Variants in CDKAL1 observed in about 807,000 individuals in gnomAD.
The protein encoded by CDKAL1 is CDKAL1 threonylcarbamoyladenosine tRNA methylthiotransferase.
A neutral mutation model predicts 68.2 loss-of-function variants in CDKAL1; 32 were observed. The ratio of observed to expected loss-of-function variants is 0.47; its 90% CI spans 0.35 to 0.63. The LOEUF (loss-of-function observed/expected upper bound fraction) is 0.63, where lower values mean the gene tolerates loss of function less well. Among genes scored for constraint, CDKAL1 ranks in the 30% least tolerant of loss-of-function variants. The pLI, the probability that CDKAL1 is intolerant of heterozygous loss-of-function variation, is 0.00. For synonymous variants in CDKAL1, 234 were observed against 244.3 expected, an observed-to-expected ratio of 0.96 and a Z score of 0.39; for missense variants, 606 against 696.7, an observed-to-expected ratio of 0.87 and a Z score of 1.47.
chr6:21,039,719 C>T (rs1769805866), intron 11 of CDKAL1, among the ~76,000 whole-genome samples: 1 of 152,176 alleles, frequency 6.6e-6, no homozygotes, highest in South Asian at 2.1e-4. Context: ...AGAACAGTAT[C>T]ATGCCTGTAA....
At chr6:20,757,456 A>G (rs1346087443) in intron 6 of CDKAL1, among the ~76,000 whole-genome samples, 2 of 152,158 alleles carry the variant, frequency 1.3e-5, no homozygotes, top group African/African-American at 2.4e-5. Context: ...GGTGTATTTT[A>G]TACATATGTA....
At chr6:20,537,614 CA>C (rs543824204) in intron 2 of CDKAL1, among the ~76,000 whole-genome samples, 43,226 of 120,110 alleles carry the variant, frequency 0.36, 6,571 homozygotes, top group African/African-American at 0.42. Flanking sequence ...CTCATAATTA[CA>C]AAAAAAAAAA....
intron 8 of CDKAL1, among the ~76,000 whole-genome samples, chr6:20,842,917 GA>G (rs1190728067): frequency 6.6e-6 from 1 of 152,132 alleles, no homozygotes; most frequent in Non-Finnish European, 1.5e-5. Context: ...AGAGTTTTTT[GA>G]ATTCTTCATG....
chr6:20,994,248 G>A (rs1766988107), intron 10 of CDKAL1, among the ~76,000 whole-genome samples: 1 of 152,222 alleles, frequency 6.6e-6, no homozygotes, highest in African/African-American at 2.4e-5. Context: ...GGAGTCCAAG[G>A]CAGGGGGATC....
At chr6:20,746,762 G>A (rs1773680142) in intron 6 of CDKAL1, among the ~76,000 whole-genome samples, 1 of 152,176 alleles carries the variant, frequency 6.6e-6, no homozygotes, top group Admixed American at 6.5e-5. Context: ...TATTTAAGGT[G>A]TACAATGTTT....
At chr6:20,740,303 A>G (rs1232913891) in intron 6 of CDKAL1, among the ~76,000 whole-genome samples, 2 of 151,932 alleles carry the variant, frequency 1.3e-5, no homozygotes, top group Admixed American at 1.3e-4. Context: ...TTCCCGTTGT[A>G]TTTCTGTTGT....
intron 11 of CDKAL1, among the ~76,000 whole-genome samples, chr6:21,059,293 A>G (rs62404462): frequency 0.19 from 29,245 of 152,216 alleles, 2,913 homozygotes; most frequent in Middle Eastern, 0.24. Context: ...CTGATGCTGC[A>G]GTTGCAGTGA....
At chr6:21,005,597 A>G (rs1383060957) in intron 11 of CDKAL1, among the ~76,000 whole-genome samples, 1 of 152,250 alleles carries the variant, frequency 6.6e-6, no homozygotes, top group South Asian at 2.1e-4. Context: ...TTTTGTTTTT[A>G]CCTGCAAGTT....
intron 9 of CDKAL1, among the ~76,000 whole-genome samples, chr6:20,889,215 GTTGT>G (rs1295139989): frequency 6.6e-6 from 1 of 151,704 alleles, no homozygotes; most frequent in African/African-American, 2.4e-5. Flanking sequence ...TTTTGATGGG[GTTGT>G]TTGTTTTTTT....
chr6:21,096,529 A>G (rs1166337123), intron 12 of CDKAL1, among the ~76,000 whole-genome samples: 1 of 152,248 alleles, frequency 6.6e-6, no homozygotes, highest in Non-Finnish European at 1.5e-5. Flanking sequence ...ACTCCAGGAT[A>G]CTAATTAGCA....
chr6:20,696,480 A>G (rs927732792), intron 5 of CDKAL1, among the ~76,000 whole-genome samples: 3 of 152,136 alleles, frequency 2.0e-5, no homozygotes, highest in Non-Finnish European at 2.9e-5. Flanking sequence ...AGCAAAGACA[A>G]TTTCCTTTGG....
intron 8 of CDKAL1, among the ~76,000 whole-genome samples, chr6:20,843,982 A>G (rs911441340): frequency 2.0e-5 from 3 of 151,078 alleles, no homozygotes; most frequent in Non-Finnish European, 3.0e-5. Flanking sequence ...ACACTCGAGG[A>G]AAAAAAAACA....
intron 9 of CDKAL1, among the ~76,000 whole-genome samples, chr6:20,880,753 TA>T (rs1232445126): frequency 1.3e-5 from 2 of 152,142 alleles, no homozygotes; most frequent in South Asian, 4.1e-4. Flanking sequence ...AAAAGTCAGA[TA>T]ATTGACATGT....
intron 9 of CDKAL1, among the ~76,000 whole-genome samples, chr6:20,895,024 G>A (rs1447201392): frequency 6.6e-6 from 1 of 151,996 alleles, no homozygotes; most frequent in African/African-American, 2.4e-5. Flanking sequence ...TTCACCTGCT[G>A]CTCTACCAGA....
intron 12 of CDKAL1, among the ~76,000 whole-genome samples, chr6:21,087,171 G>C (rs2150964328): frequency 6.6e-6 from 1 of 152,290 alleles, no homozygotes; most frequent in Non-Finnish European, 1.5e-5. Flanking sequence ...CAAAGACCGA[G>C]CAAGGGATGC....
chr6:21,062,030 T>C (rs907470332), intron 11 of CDKAL1, among the ~76,000 whole-genome samples: 1 of 152,220 alleles, frequency 6.6e-6, no homozygotes, highest in Non-Finnish European at 1.5e-5. Context: ...CTATGACTTC[T>C]TTAAAGGTTT....
intron 13 of CDKAL1, among the ~76,000 whole-genome samples, chr6:21,148,358 T>G (rs991400958): frequency 6.6e-6 from 1 of 152,188 alleles, no homozygotes; most frequent in African/African-American, 2.4e-5. Flanking sequence ...TACTCTTAAT[T>G]AATCCTTCTA....
At chr6:20,982,550 T>TA (rs1006289909) in intron 10 of CDKAL1, among the ~76,000 whole-genome samples, 8 of 147,826 alleles carry the variant, frequency 5.4e-5, no homozygotes, top group African/African-American at 1.0e-4. Flanking sequence ...AGCCTGCTCT[T>TA]AAAAAAAATC....
At chr6:20,778,309 A>G (rs966500994) in intron 7 of CDKAL1, among the ~76,000 whole-genome samples, 10 of 152,218 alleles carry the variant, frequency 6.6e-5, no homozygotes, top group Non-Finnish European at 1.5e-4. Flanking sequence ...AAAAACATTT[A>G]CTTTTCAAGG....
Sources: allele counts gnomAD v4.1 joint callset (sites outside exome capture counted in the v4.1 genomes callset), GRCh38; gene constraint gnomAD v4.1.1; transcripts MANE v1.5; gene names NCBI Gene and HGNC (gene_info 2026-07-23, HGNC 2026-07-21).